SLC8A3: variants seen among roughly 807,000 people sequenced by gnomAD.
SLC8A3 encodes the protein sodium/calcium exchanger 3.
A neutral mutation model predicts 65.4 loss-of-function variants in SLC8A3; 37 were observed. The ratio of observed to expected loss-of-function variants is 0.57; its 90% confidence interval spans 0.44 to 0.74. The LOEUF is 0.74. Among genes scored for constraint, SLC8A3 ranks in the 30% least tolerant of loss-of-function variants. SLC8A3 has a pLI of 0.00. For synonymous variants in SLC8A3, 461 were observed against 444.5 expected (o/e 1.04, Z -0.47); for missense variants, 1,112 against 1,172.1 (o/e 0.95, Z 0.75).
intron 2 of SLC8A3, among the ~76,000 whole-genome samples, chr14:70,116,957 A>G (rs542119314): frequency 2.0e-5 from 3 of 152,350 alleles, no homozygotes; most frequent in Non-Finnish European, 4.4e-5. Context: ...GAATAAGCCA[A>G]TCTGGTTTGG....
At chr14:70,105,742 C>T (rs1892826483) in intron 2 of SLC8A3, among the ~76,000 whole-genome samples, 1 of 152,130 alleles carries the variant, frequency 6.6e-6, no homozygotes, top group Admixed American at 6.5e-5. Flanking sequence ...CTTTGTGAAG[C>T]TTACCTGACC....
chr14:70,128,155 T>G (rs7156495), intron 2 of SLC8A3, among the ~76,000 whole-genome samples: 40,232 of 152,112 alleles, frequency 0.26, 5,925 homozygotes, highest in East Asian at 0.5. Context: ...TCATTCATCT[T>G]TGACCCTGTT....
intron 2 of SLC8A3, among the ~76,000 whole-genome samples, chr14:70,116,351 G>GTGTA (rs898710158): frequency 3.4e-5 from 5 of 147,198 alleles, no homozygotes; most frequent in African/African-American, 1.2e-4. Context: ...GTGTGTGTGT[G>GTGTA]TGTGTATGTG....
intron 2 of SLC8A3, among the ~76,000 whole-genome samples, chr14:70,150,864 T>C (rs995603688): frequency 6.6e-6 from 1 of 152,194 alleles, no homozygotes; most frequent in Non-Finnish European, 1.5e-5. Context: ...TTGTTTTCCA[T>C]GGCCTAGAGT....
At chr14:70,076,498 G>T (rs955655757) in intron 2 of SLC8A3, among the ~76,000 whole-genome samples, 8 of 152,158 alleles carry the variant, frequency 5.3e-5, no homozygotes, top group Admixed American at 6.5e-5. Flanking sequence ...GCCCAAATTT[G>T]GTCCCAGGCC....
chr14:70,182,648 G>T (rs1319936621), intron 1 of SLC8A3, among the ~76,000 whole-genome samples: 1 of 152,194 alleles, frequency 6.6e-6, no homozygotes, highest in Non-Finnish European at 1.5e-5. Flanking sequence ...GAGACTTGGG[G>T]AGAAGGTGGA....
At chr14:70,126,560 TCTCTCTCTCTCA>T (rs1177275993) in intron 2 of SLC8A3, among the ~76,000 whole-genome samples, 3 of 98,286 alleles carry the variant, frequency 3.1e-5, no homozygotes, top group Non-Finnish European at 6.6e-5. Flanking sequence ...TCTCTCTCTC[TCTCTCTCTCTCA>T]CACACACACA....
intron 2 of SLC8A3, among the ~76,000 whole-genome samples, chr14:70,125,352 A>G (rs571278090): frequency 4.6e-5 from 7 of 152,092 alleles, no homozygotes; most frequent in South Asian, 2.1e-4. Flanking sequence ...CGAGTCTCCA[A>G]TGTCTATTAT....
intron 5 of SLC8A3, among the ~76,000 whole-genome samples, chr14:70,049,402 A>G (rs1887200619): frequency 6.6e-6 from 1 of 152,196 alleles, no homozygotes; most frequent in South Asian, 2.1e-4. Context: ...CAAACACTGC[A>G]TGTTCTCACT....
chr14:70,144,643 A>G (rs1386890017), intron 2 of SLC8A3, among the ~76,000 whole-genome samples: 2 of 148,096 alleles, frequency 1.4e-5, no homozygotes, highest in African/African-American at 2.5e-5. Context: ...AAAAAAAAAG[A>G]AAAAAGCAAT....
chr14:70,174,938 G>GC (rs1430308932), intron 1 of SLC8A3, among the ~76,000 whole-genome samples: 1 of 152,140 alleles, frequency 6.6e-6, no homozygotes, highest in Non-Finnish European at 1.5e-5. Flanking sequence ...TTTTAATGTA[G>GC]AGAATGTTGC....
intron 2 of SLC8A3, among the ~76,000 whole-genome samples, chr14:70,136,530 G>A (rs1048661102): frequency 3.3e-5 from 5 of 152,088 alleles, no homozygotes; most frequent in East Asian, 1.9e-4. Flanking sequence ...GAGCCCACTC[G>A]CCTTTGCAGC....
At chr14:70,168,544 G>C in intron 1 of SLC8A3, 60 bp from the exon 2 acceptor site, 1 of 701,004 alleles carries the variant, frequency 1.4e-6, no homozygotes, top group Non-Finnish European at 2.4e-6. Context: ...CAAACGGCAG[G>C]TTCCCACCAA....
Position 70,168,243 on chromosome 14 carries a change from C to T in SLC8A3, c.180G>A (p.Leu60=). The T allele has an allele frequency of 6.2e-7, 1 of 1,614,156 alleles. No individual in the cohort carries two copies. The highest frequency in any genetic ancestry group is 8.5e-7 in the Non-Finnish European group (1 of 1,180,026). Residue 60 remains leucine, a synonymous_variant, in exon 2 of 7, where the codon CTG becomes CTA. Coordinates refer to ENST00000356921, the MANE Select transcript of SLC8A3 (RefSeq NM_182932.3). ...AAGGGTTCTCCGGGTACCAGATTGG[C>T]AGGATGACACCCTCCTTGCAGTCCG... ...GSSDCKEGVI[L]PIWYPENPSL...
At chr14:70,079,329 A>AC (rs1890829753) in intron 2 of SLC8A3, among the ~76,000 whole-genome samples, 1 of 110,284 alleles carries the variant, frequency 9.1e-6, no homozygotes, top group African/African-American at 3.7e-5. Flanking sequence ...ACTAAAAAAT[A>AC]CAAAAAAAAA....
At chr14:70,113,066 G>T (rs1178060822) in intron 2 of SLC8A3, among the ~76,000 whole-genome samples, 1 of 23,614 alleles carries the variant, frequency 4.2e-5, no homozygotes, top group East Asian at 2.7e-3. Flanking sequence ...TAAATACATT[G>T]GTCTTTGTGT....
intron 1 of SLC8A3, among the ~76,000 whole-genome samples, chr14:70,170,243 C>T (rs984175528): frequency 1.3e-5 from 2 of 152,196 alleles, no homozygotes; most frequent in African/African-American, 4.8e-5. Context: ...TCCCACTCAT[C>T]CCCCTTCATC....
At chr14:70,078,672 A>T (rs562732081) in intron 2 of SLC8A3, among the ~76,000 whole-genome samples, 5 of 152,340 alleles carry the variant, frequency 3.3e-5, no homozygotes, top group African/African-American at 1.2e-4. Flanking sequence ...AAGCACCCTC[A>T]GCACATACAT....
At chr14:70,053,335 G>C (rs1027440080) in intron 3 of SLC8A3, among the ~76,000 whole-genome samples, 1 of 152,188 alleles carries the variant, frequency 6.6e-6, no homozygotes, top group East Asian at 1.9e-4. Context: ...TCTCTGATTA[G>C]TTAATTCTGA....
Sources: gnomAD v4.1 joint callset for allele counts (sites outside exome capture counted in the v4.1 genomes callset) on GRCh38, gnomAD v4.1.1 for gene constraint, MANE v1.5 for transcripts, NCBI Gene and HGNC (gene_info 2026-07-23, HGNC 2026-07-21) for gene names.